The following KASH5 variants were observed in gnomAD, a reference collection of about 807,000 sequenced individuals.
KASH5 encodes KASH domain containing 5.
Under a neutral mutation model 84.2 loss-of-function variants are expected in KASH5, and 72 were observed. That is an observed-to-expected ratio of 0.85 (90% CI 0.71 to 1.04). The LOEUF is 1.04. KASH5 is among the 50% of genes least tolerant of loss of function. The probability of loss-of-function intolerance (pLI) is 0.00; values close to 1 mark genes in which losing one functional copy is unlikely to be tolerated. For synonymous variants in KASH5, 260 were observed against 279.1 expected (o/e 0.93, Z 0.68); for missense variants, 650 against 701.0 (o/e 0.93, Z 0.82).
At chr19:49,392,659 C>A (rs930173872) in intron 2 of KASH5, among the ~76,000 whole-genome samples, 2 of 152,154 alleles carry the variant, frequency 1.3e-5, no homozygotes, top group African/African-American at 2.4e-5. Flanking sequence ...CACCTGTAAT[C>A]CCAGCACTTT....
At position 49,416,266 on chromosome 19, in the gene KASH5, C is replaced by T. The variant is rs559092698; in HGVS notation, c.1375-749C>T. Reference sequence around the variant, plus strand: ...GGAGTGCAGTGGTGCGATCTCGGCTCACTGCAAGCTCCACCTCCCAGGTTC... The same window carrying T: ...GGAGTGCAGTGGTGCGATCTCGGCTTACTGCAAGCTCCACCTCCCAGGTTC... On this transcript the variant is annotated intron_variant, in intron 17 of 19. Coordinates refer to ENST00000447857, the MANE Select transcript of KASH5 (RefSeq NM_144688.5). This position sits in a 1 kb window ranked among gnomAD's most constrained non-coding sequence, Gnocchi z 5.4. 3.2e-4 allele frequency among the ~76,000 whole-genome samples: 48 copies of T among 152,272 alleles called. No individual in the cohort carries two copies. The highest frequency in any genetic ancestry group is 1.7e-3 in the South Asian group (8 of 4,826).
At chr19:49,410,804 A>G (rs1332970501) in intron 15 of KASH5, among the ~76,000 whole-genome samples, 1 of 150,050 alleles carries the variant, frequency 6.7e-6, no homozygotes, top group African/African-American at 2.5e-5. Context: ...AAATTTTTTT[A>G]TAGAGTTGAG....
chr19:49,398,236 CCTGCT>C (rs1358326647), intron 7 of KASH5, 93 bp downstream of exon 7: 9 of 1,119,592 alleles, frequency 8.0e-6, no homozygotes, highest in Non-Finnish European at 1.1e-5. Context: ...GTGTCTGCAT[CCTGCT>C]CTTTGACTCT....
intron 2 of KASH5, among the ~76,000 whole-genome samples, chr19:49,391,170 G>A (rs1031757990): frequency 1.7e-4 from 26 of 152,122 alleles, no homozygotes; most frequent in African/African-American, 4.6e-4. Context: ...GCAAGCAGCC[G>A]CACCCCTTAC....
intron 9 of KASH5, among the ~76,000 whole-genome samples, chr19:49,402,011 G>C (rs753936414): frequency 7.9e-5 from 12 of 151,348 alleles, no homozygotes; most frequent in Non-Finnish European, 1.5e-4. Context: ...GGAGGCCGAG[G>C]TGGGTGGATC....
At chr19:49,400,875 T>G (rs1240768518) in intron 9 of KASH5, among the ~76,000 whole-genome samples, 1 of 152,010 alleles carries the variant, frequency 6.6e-6, no homozygotes, top group Non-Finnish European at 1.5e-5. Flanking sequence ...GCCCACCTAA[T>G]TTTTTTTAGA....
Position 49,414,873 on chromosome 19 carries a change from C to CT in KASH5, c.1329-76dup. ...TGTGCTAAGACCCCCTGCTCCAAGG[C>CT]TTCTCTCCCAGCCCATAGTAGGCAA... On this transcript the variant is annotated intron_variant, in intron 16 of 19. Coordinates refer to ENST00000447857, the MANE Select transcript of KASH5 (RefSeq NM_144688.5). The surrounding 1 kb of genome is among the most constrained non-coding windows in gnomAD (Gnocchi z 4.5). The CT allele has an allele frequency of 6.5e-7, 1 of 1,543,140 alleles. No homozygotes were observed. Among genetic ancestry groups the CT allele is most frequent in the South Asian group, 1.2e-5 (1 of 84,546 alleles).
At chr19:49,411,485 T>G (rs1007516698) in intron 15 of KASH5, among the ~76,000 whole-genome samples, 1 of 152,162 alleles carries the variant, frequency 6.6e-6, no homozygotes, top group Non-Finnish European at 1.5e-5. Context: ...TTGTTACTCA[T>G]GGGAAACTGA....
chr19:49,415,304 T>G, intron 17 of KASH5: 2 of 463,330 alleles, frequency 4.3e-6, no homozygotes, highest in Non-Finnish European at 8.0e-6. Flanking sequence ...ATTGCATAAA[T>G]GCACACGCAC....
At chr19:49,411,754 A>G (rs11672370) in intron 15 of KASH5, among the ~76,000 whole-genome samples, 31,379 of 152,080 alleles carry the variant, frequency 0.21, 3,673 homozygotes, top group Non-Finnish European at 0.25. Flanking sequence ...GGGTTGCCCC[A>G]GTGCAGAATG....
In KASH5 at chr19:49,399,327, G is replaced by A; in HGVS notation, c.748-130G>A. On this transcript the variant is annotated intron_variant, in intron 8 of 19. Transcript: ENST00000447857. The surrounding 1 kb of genome is among the most constrained non-coding windows in gnomAD (Gnocchi z 4.4). The stretch of plus-strand genomic sequence containing the variant: ...CATCCTTCTCATGACAAAGGAGACA[G>A]CAGGAGCCATCAGGGCTTCCCAGAC... 1 of 1,008,378 alleles carries A rather than the reference G, an allele frequency of 9.9e-7. No homozygotes were observed. Among genetic ancestry groups the A allele is most frequent in the Non-Finnish European group, 1.5e-6 (1 of 674,116 alleles). The allele number at this position is 1,008,378 out of a possible 1,614,324, so 62.5% of individuals were successfully genotyped here.
intron 9 of KASH5, among the ~76,000 whole-genome samples, chr19:49,402,991 G>A (rs1397143835): frequency 1.1e-4 from 16 of 152,076 alleles, no homozygotes. Context: ...GCTGCCTGTG[G>A]CCTCATTATT....
intron 16 of KASH5, 108 bp downstream of exon 16, chr19:49,413,134 C>T (rs533966106): frequency 1.8e-6 from 2 of 1,101,862 alleles, no homozygotes; most frequent in Admixed American, 2.0e-5. Flanking sequence ...TTCATTCACT[C>T]CTTCTTCATG....
intron 1 of KASH5, among the ~76,000 whole-genome samples, chr19:49,389,072 C>A (rs1973908224): frequency 7.2e-6 from 1 of 139,392 alleles, no homozygotes; most frequent in African/African-American, 2.7e-5. Flanking sequence ...TCCAGTCAGA[C>A]CCCTGCAGAA....
chr19:49,407,051 G>T, intron 10 of KASH5, 88 bp downstream of exon 10: 1 of 1,370,866 alleles, frequency 7.3e-7, no homozygotes. Context: ...AGCCTGATAA[G>T]GGCAGGGTCT....
In KASH5 at chr19:49,395,910, C is replaced by T. The variant is rs1974161509; in HGVS notation, c.400+77C>T. ...TGGGGACTTACCACCCAGGGCAGAG[C>T]AAGGGATAGGGTAGGAACCAGGGAC... On this transcript the variant is annotated intron_variant, in intron 5 of 19. Coordinates refer to ENST00000447857, the MANE Select transcript of KASH5 (RefSeq NM_144688.5). The surrounding 1 kb of genome is among the most constrained non-coding windows in gnomAD (Gnocchi z 4.4). 1.6e-6 allele frequency: 2 copies of T among 1,259,028 alleles called. No individual in the cohort carries two copies. The highest frequency in any genetic ancestry group is 2.2e-6 in the Non-Finnish European group (2 of 892,210). The allele number at this position is 1,259,028 out of a possible 1,614,324, so 78.0% of individuals were successfully genotyped here.
rs1421853747 is a variant in KASH5, at chr19:49,417,284, T to A, written c.1547+18T>A. ...CGGCTCAGGTGTGCCCCCAGGCGTC[T>A]CCAGAAGGAAGGAGGTGGTCTGACA... is the stretch of plus-strand genomic sequence containing the variant. On this transcript the variant is annotated intron_variant, in intron 19 of 19. Transcript: ENST00000447857. The surrounding 1 kb of genome is among the most constrained non-coding windows in gnomAD (Gnocchi z 5.2). 6.2e-7 allele frequency: 1 copy of A among 1,605,300 alleles called. No individual in the cohort carries two copies. Among genetic ancestry groups the A allele is most frequent in the Non-Finnish European group, 8.5e-7 (1 of 1,175,866 alleles).
intron 9 of KASH5, among the ~76,000 whole-genome samples, chr19:49,402,389 C>CA (rs59636662): frequency 3.2e-4 from 37 of 116,262 alleles, no homozygotes; most frequent in African/African-American, 7.6e-4. Flanking sequence ...CTCTATAAAA[C>CA]AAAAAAAAAC....
At position 49,399,085 on chromosome 19, in the gene KASH5, T is replaced by C; in HGVS notation, c.690T>C (p.Thr230=). 7 of 1,551,722 alleles carry C rather than the reference T, an allele frequency of 4.5e-6. No individual in the cohort carries two copies. The highest frequency in any genetic ancestry group is 6.1e-6 in the Non-Finnish European group (7 of 1,147,016). ...ATGAGGAGCTGGAGGACCTGAAGAC[T>C]CTGGCCAGGAGCCTGGAGGAACAGA... is the stretch of plus-strand genomic sequence containing the variant. The part of the protein sequence containing the change: ...AMDEELEDLK[T]LARSLEEQNR... The change falls in exon 8 of 20, where the codon ACT becomes ACC. Residue 230 remains threonine, a synonymous_variant. Transcript: ENST00000447857. This position sits in a 1 kb window ranked among gnomAD's most constrained non-coding sequence, Gnocchi z 4.4.
Sources: allele counts gnomAD v4.1 joint callset (sites outside exome capture counted in the v4.1 genomes callset), GRCh38; gene constraint gnomAD v4.1.1; non-coding constraint Gnocchi (gnomAD v3.1); transcripts MANE v1.5; gene names NCBI Gene and HGNC (gene_info 2026-07-23, HGNC 2026-07-21).